Variants in RBMS1 observed in about 807,000 individuals in gnomAD.
The protein encoded by RBMS1 is RNA-binding motif, single-stranded-interacting protein 1.
RBMS1 carries 17 observed loss-of-function variants against 62.3 expected under a neutral mutation model. That is an observed-to-expected ratio of 0.27 (90% CI 0.19 to 0.41). RBMS1 has a LOEUF of 0.41. RBMS1 is among the 10% of genes least tolerant of loss of function. The pLI is 1.00. For missense variants in RBMS1, 334 were observed against 504.5 expected, an observed-to-expected ratio of 0.66 and a Z score of 3.24; for synonymous variants, 172 against 170.0, an observed-to-expected ratio of 1.01 and a Z score of -0.09.
At chr2:160,490,503 CA>C (rs1685777782) in intron 1 of RBMS1, among the ~76,000 whole-genome samples, 1 of 151,808 alleles carries the variant, frequency 6.6e-6, no homozygotes, top group Non-Finnish European at 1.5e-5. Flanking sequence ...TTCTTTCTGT[CA>C]AAGTACAAAG....
chr2:160,363,264 G>A (rs1371348461), intron 2 of RBMS1, among the ~76,000 whole-genome samples: 2 of 152,140 alleles, frequency 1.3e-5, no homozygotes, highest in Non-Finnish European at 1.5e-5. Context: ...AAGATGATAC[G>A]CTGTTAGCAT....
intron 1 of RBMS1, among the ~76,000 whole-genome samples, chr2:160,484,478 G>A (rs1240996015): frequency 6.6e-6 from 1 of 151,308 alleles, no homozygotes; most frequent in African/African-American, 2.4e-5. Flanking sequence ...CTGGGCGACA[G>A]AGCGAGCGAG....
chr2:160,433,906 G>A (rs889320132), intron 1 of RBMS1, among the ~76,000 whole-genome samples: 8 of 152,184 alleles, frequency 5.3e-5, no homozygotes, highest in Non-Finnish European at 1.2e-4. Flanking sequence ...ACTGAACTGC[G>A]CTTCCTCTTA....
At chr2:160,315,081 T>A (rs1293550154) in intron 3 of RBMS1, among the ~76,000 whole-genome samples, 1 of 152,250 alleles carries the variant, frequency 6.6e-6, no homozygotes, top group Non-Finnish European at 1.5e-5. Flanking sequence ...TTTGATGTTA[T>A]TGTATTTGAA....
intron 1 of RBMS1, among the ~76,000 whole-genome samples, chr2:160,384,967 T>C (rs1694490150): frequency 6.6e-6 from 1 of 152,106 alleles, no homozygotes; most frequent in Non-Finnish European, 1.5e-5. Context: ...TCCGGTTGTT[T>C]AAAAGTGTGT....
chr2:160,277,443 TG>T (rs1172527807), intron 11 of RBMS1, 60 bp from the exon 12 acceptor site: 4 of 1,299,378 alleles, frequency 3.1e-6, no homozygotes, highest in East Asian at 2.3e-5. Context: ...TTGGAGTACG[TG>T]GGGGGATTGT....
At chr2:160,382,544 T>C (rs1417000988) in intron 1 of RBMS1, among the ~76,000 whole-genome samples, 1 of 152,224 alleles carries the variant, frequency 6.6e-6, no homozygotes, top group East Asian at 1.9e-4. Flanking sequence ...CAAAACAGAT[T>C]AATCAGAATT....
intron 9 of RBMS1, chr2:160,284,069 C>T (rs1688237914): frequency 6.6e-6 from 1 of 152,180 alleles, no homozygotes; most frequent in Non-Finnish European, 1.5e-5. Context: ...TATAAGGTTC[C>T]TATCTGGGTC....
At chr2:160,485,742 T>TAGAAGTATAC (rs1274026402) in intron 1 of RBMS1, among the ~76,000 whole-genome samples, 11 of 151,762 alleles carry the variant, frequency 7.2e-5, no homozygotes, top group African/African-American at 2.7e-4. Flanking sequence ...GTTTTTTAAA[T>TAGAAGTATAC]AGAAGTATAC....
chr2:160,341,848 G>A (rs1691891623), intron 2 of RBMS1, among the ~76,000 whole-genome samples: 1 of 152,184 alleles, frequency 6.6e-6, no homozygotes, highest in African/African-American at 2.4e-5. Context: ...ACCTGGGCAA[G>A]ACCTAAGGTT....
At chr2:160,421,246 T>C (rs1422014774) in intron 1 of RBMS1, among the ~76,000 whole-genome samples, 1 of 152,138 alleles carries the variant, frequency 6.6e-6, no homozygotes, top group Non-Finnish European at 1.5e-5. Context: ...GCGGCACCCA[T>C]TAACTCCTCA....
intron 1 of RBMS1, chr2:160,407,840 C>T (rs1041290100): frequency 2.0e-6 from 2 of 981,184 alleles, no homozygotes; most frequent in Non-Finnish European, 2.4e-6. Context: ...CGCCGACTCT[C>T]CCGGCGGCAG....
chr2:160,387,544 T>C (rs112458738), intron 1 of RBMS1, among the ~76,000 whole-genome samples: 137 of 152,238 alleles, frequency 9.0e-4, no homozygotes, highest in Non-Finnish European at 1.6e-3. Context: ...GTTTCTGCAA[T>C]GGCACAAGCC....
chr2:160,344,293 C>T (rs976916577), intron 2 of RBMS1, among the ~76,000 whole-genome samples: 2 of 152,146 alleles, frequency 1.3e-5, no homozygotes, highest in Non-Finnish European at 2.9e-5. Flanking sequence ...GCAGGTATTA[C>T]TAAGAAAGAC....
chr2:160,322,703 C>T (rs1298275346), intron 2 of RBMS1, among the ~76,000 whole-genome samples: 1 of 152,098 alleles, frequency 6.6e-6, no homozygotes, highest in Non-Finnish European at 1.5e-5. Flanking sequence ...TTGGGCTGTC[C>T]ACTCAATTAT....
At chr2:160,303,245 T>C (rs1689312118) in intron 5 of RBMS1, 85 bp downstream of exon 5, 1 of 1,384,000 alleles carries the variant, frequency 7.2e-7, no homozygotes, top group African/African-American at 1.5e-5. Flanking sequence ...GCTGAAACTG[T>C]CTCTTCTTAG....
In RBMS1 at chr2:160,313,208, T is replaced by A; in HGVS notation, c.350A>T (p.Gln117Leu). Residue 117 changes from glutamine to leucine, a missense_variant, in exon 4 of 14, where the codon CAA becomes CTA. Gln to Leu is a moderately radical substitution (Grantham distance 113). Coordinates refer to ENST00000348849, the MANE Select transcript of RBMS1 (RefSeq NM_016836.4). ...GGCCTTCAGGGCAGACACAGCTTTTTGAGCTGCTGCAGGGCTGTCAAAGTC... is the reference window on the plus strand; with the variant it reads ...GGCCTTCAGGGCAGACACAGCTTTTAGAGCTGCTGCAGGGCTGTCAAAGTC... ...FVDFDSPAAA[Q>L]KAVSALKASG... 1.2e-6 allele frequency: 2 copies of A among 1,613,626 alleles called. No individual in the cohort carries two copies. The highest frequency in any genetic ancestry group is 1.7e-6 in the Non-Finnish European group (2 of 1,179,636).
rs528243348 is a variant in RBMS1 at position 160,416,921 on chromosome 2, G to A, written c.76-49530C>T. 2.6e-4 allele frequency among the ~76,000 whole-genome samples: 39 copies of A among 152,180 alleles called. 1 individual carries two copies. The highest frequency in any genetic ancestry group is 9.2e-4 in the African/African-American group (38 of 41,492). ...ATAGTTCTACCGCAGGACTAGAATC[G>A]GTGGCTTCTATAGATTGTATAGTGC... On this transcript the variant is annotated intron_variant, in intron 1 of 13. Coordinates refer to ENST00000348849, the MANE Select transcript of RBMS1 (RefSeq NM_016836.4).
At chr2:160,458,752 G>C (rs531830515) in intron 1 of RBMS1, among the ~76,000 whole-genome samples, 1 of 151,186 alleles carries the variant, frequency 6.6e-6, no homozygotes, top group Non-Finnish European at 1.5e-5. Flanking sequence ...AGCCGAGATC[G>C]TGCCATTGCA....
Sources: gnomAD v4.1 joint callset for allele counts (sites outside exome capture counted in the v4.1 genomes callset) on GRCh38, gnomAD v4.1.1 for gene constraint, MANE v1.5 for transcripts, NCBI Gene and HGNC (gene_info 2026-07-23, HGNC 2026-07-21) for gene names.